ENTPD7: variants seen among roughly 807,000 people sequenced by gnomAD.
The protein encoded by ENTPD7 is ectonucleoside triphosphate diphosphohydrolase 7, also known as NTPDase 7.
ENTPD7 carries 53 observed loss-of-function variants against 77.9 expected under a neutral mutation model. The observed-to-expected ratio is 0.68, with a 90% confidence interval of 0.55 to 0.85. The LOEUF (loss-of-function observed/expected upper bound fraction) is 0.85. Ranked by LOEUF, ENTPD7 falls within the 40% of genes least tolerant of loss-of-function variation. ENTPD7 has a pLI of 0.00. For missense variants in ENTPD7, 636 were observed against 743.7 expected (o/e 0.86, Z 1.68); for synonymous variants, 248 against 274.9 (o/e 0.90, Z 0.97).
At position 99,679,800 on chromosome 10, in the gene ENTPD7, A is replaced by C. The variant is rs1199205503; in HGVS notation, c.473A>C (p.His158Pro). ...CCTCTGCTGAGCTTTGCTGCTGCTC[A>C]TGTGCCTGTGAAGAAGCACAAGGAG... ...LRPLLSFAAA[H>P]VPVKKHKETP... Residue 158 changes from histidine (H) to proline (P), a missense_variant, in exon 5 of 13, where the codon CAT (histidine) becomes CCT (proline). Coordinates refer to ENST00000370489, the MANE Select transcript of ENTPD7 (RefSeq NM_020354.5). 6.2e-7 allele frequency: 1 copy of C among 1,614,226 alleles called. No homozygotes were observed. The highest frequency in any genetic ancestry group is 1.1e-5 in the South Asian group (1 of 91,090).
intron 3 of ENTPD7, among the ~76,000 whole-genome samples, chr10:99,670,443 T>C (rs927814213): frequency 6.6e-6 from 1 of 152,150 alleles, no homozygotes; most frequent in Non-Finnish European, 1.5e-5. Context: ...AATTTATTAA[T>C]TTTTCATACA....
At position 99,706,837 on chromosome 10, in the gene ENTPD7, A is replaced by G. The variant is rs1222118520; in HGVS notation, c.*2154A>G. Among the ~76,000 whole-genome samples the G allele has an allele frequency of 1.3e-5, 2 of 152,136 alleles. No individual in the cohort carries two copies. The highest frequency in any genetic ancestry group is 2.9e-5 in the Non-Finnish European group (2 of 68,038). On this transcript the variant is annotated 3_prime_UTR_variant, in exon 13 of 13. Coordinates refer to ENST00000370489, the MANE Select transcript of ENTPD7 (RefSeq NM_020354.5). ...CTTTTGCTCTCATCTTGGTTTCCAT[A>G]TACTATTTTTGGTTTTTTGTGAGAT...
At chr10:99,679,936 T>A in intron 5 of ENTPD7, 61 bp downstream of exon 5, 1 of 1,557,166 alleles carries the variant, frequency 6.4e-7, no homozygotes, top group East Asian at 2.2e-5. Context: ...AAGGCCAGTT[T>A]CATGCACTGT....
Position 99,704,695 on chromosome 10 carries a change from G to A in ENTPD7, c.*12G>A. 6.2e-7 allele frequency: 1 copy of A among 1,608,272 alleles called. No individual in the cohort carries two copies. Among genetic ancestry groups the A allele is most frequent in the Non-Finnish European group, 8.5e-7 (1 of 1,176,908 alleles). On this transcript the variant is annotated 3_prime_UTR_variant, in exon 13 of 13. Transcript: ENST00000370489. The stretch of plus-strand genomic sequence containing the variant: ...AGGTGGGGCCGTGAGGCTGGACCAG[G>A]ACTAGAGAAGCTTGAGCACCCCCGA...
At chr10:99,677,240 C>G (rs750679798) in intron 3 of ENTPD7, among the ~76,000 whole-genome samples, 1 of 151,666 alleles carries the variant, frequency 6.6e-6, no homozygotes, top group Non-Finnish European at 1.5e-5. Flanking sequence ...TAAAAGAAGG[C>G]TTTCCAAATT....
rs2035452302 is a variant in ENTPD7 at position 99,659,715 on chromosome 10, C to G, written c.-96+127C>G. ...GCTGGCCCACGAGAACGCCCCGCTC[C>G]CAGGATGCCCGGGTAGGGTCCCCTG... On this transcript the variant is annotated intron_variant, in intron 1 of 12. Coordinates refer to ENST00000370489, the MANE Select transcript of ENTPD7 (RefSeq NM_020354.5). This position sits in a 1 kb window ranked among gnomAD's most constrained non-coding sequence, Gnocchi z 4.1. 5 of 490,892 alleles carry G rather than the reference C, an allele frequency of 1.0e-5. No individual in the cohort carries two copies. The highest frequency in any genetic ancestry group is 7.7e-5 in the South Asian group (3 of 39,082). The allele number at this position is 490,892 out of a possible 1,614,324, so 30.4% of individuals were successfully genotyped here.
Position 99,660,023 on chromosome 10 carries a change from G to A in ENTPD7, c.8+59G>A, listed in dbSNP as rs1464837778. 1.2e-5 allele frequency: 20 copies of A among 1,612,704 alleles called. No homozygotes were observed. The South Asian group carries it at 1.4e-4, about 12-fold the overall frequency. ...ACGGCAGAGGATGGCAGGCAGGTTGGGGGGCCCTGGGAGGCTGTCCCAAGT... is the reference window on the plus strand; with the variant it reads ...ACGGCAGAGGATGGCAGGCAGGTTGAGGGGCCCTGGGAGGCTGTCCCAAGT... On this transcript the variant is annotated intron_variant, in intron 2 of 12. Transcript: ENST00000370489.
chr10:99,663,102 T>C (rs2133436274), intron 3 of ENTPD7, among the ~76,000 whole-genome samples: 1 of 152,282 alleles, frequency 6.6e-6, no homozygotes, highest in South Asian at 2.1e-4. Context: ...CATATTTCCA[T>C]ATTTGCTTTT....
intron 3 of ENTPD7, among the ~76,000 whole-genome samples, chr10:99,677,289 G>A (rs1025742398): frequency 1.3e-5 from 2 of 150,950 alleles, no homozygotes; most frequent in Admixed American, 1.3e-4. Context: ...GTTCTGAGGG[G>A]TTCTGTGTAA....
chr10:99,695,915 C>G, intron 8 of ENTPD7, 41 bp from the exon 9 acceptor site: 1 of 1,569,030 alleles, frequency 6.4e-7, no homozygotes, highest in African/African-American at 1.4e-5. Flanking sequence ...AGAAGGCAAC[C>G]AAAACTAAAA....
chr10:99,659,710 C>A lies in ENTPD7; in HGVS notation c.-96+122C>A, dbSNP rs2035452176. On this transcript the variant is annotated intron_variant, in intron 1 of 12. Coordinates refer to ENST00000370489, the MANE Select transcript of ENTPD7 (RefSeq NM_020354.5). The surrounding 1 kb of genome is among the most constrained non-coding windows in gnomAD (Gnocchi z 4.1). ...ACAGAGCTGGCCCACGAGAACGCCC[C>A]GCTCCCAGGATGCCCGGGTAGGGTC... 2.1e-6 allele frequency: 1 copy of A among 481,126 alleles called. No homozygotes were observed. Among genetic ancestry groups the A allele is most frequent in the East Asian group, 3.7e-5 (1 of 26,756 alleles). The allele number at this position is 481,126 out of a possible 1,614,324, so 29.8% of individuals were successfully genotyped here. A position where few individuals can be genotyped will look rare whatever the true frequency, so the allele number is the denominator to read the frequency against.
rs759102720 is a variant in ENTPD7, at chr10:99,679,357, G to A, written c.288G>A (p.Arg96=). 1.2e-6 allele frequency: 2 copies of A among 1,614,086 alleles called. No homozygotes were observed. Among genetic ancestry groups the A allele is most frequent in the South Asian group, 2.2e-5 (2 of 91,080 alleles). Residue 96 remains arginine, a synonymous_variant, in exon 4 of 13, where the codon CGG becomes CGA. Transcript: ENST00000370489. Reference sequence around the variant, plus strand: ...TTGACTGTGGCAGCAGTGGTTCCCGGATTTTTGTTTATTTCTGGCCAAGAC... The same window carrying A: ...TTGACTGTGGCAGCAGTGGTTCCCGAATTTTTGTTTATTTCTGGCCAAGAC... ...LVVDCGSSGS[R]IFVYFWPRHN... is the part of the protein sequence containing the mutation.
intron 6 of ENTPD7, among the ~76,000 whole-genome samples, chr10:99,687,196 C>T (rs1396237732): frequency 1.4e-5 from 2 of 147,674 alleles, no homozygotes; most frequent in Admixed American, 6.7e-5. Context: ...ATAACAGGCG[C>T]AAGCCACTGC....
At chr10:99,660,565 G>A (rs1180278937) in intron 2 of ENTPD7, 1 of 254,270 alleles carries the variant, frequency 3.9e-6, no homozygotes, top group Non-Finnish European at 8.1e-6. Context: ...CACACACAGA[G>A]ATATATTACT....
In ENTPD7 at chr10:99,709,732, CTCTG is replaced by C; in HGVS notation, c.*5053_*5056del. Reference sequence around the variant, plus strand: ...TTGTTCAAGCTTCATTTTAAGCCTGCTCTGTCTACTTATCTTCCTTATATCCTAA... The same window carrying C: ...TTGTTCAAGCTTCATTTTAAGCCTGCTCTACTTATCTTCCTTATATCCTAA... On this transcript the variant is annotated 3_prime_UTR_variant, in exon 13 of 13. Transcript: ENST00000370489. The C allele has an allele frequency of 1.0e-6, 1 of 985,360 alleles. No individual in the cohort carries two copies. The highest frequency in any genetic ancestry group is 1.2e-6 in the Non-Finnish European group (1 of 829,884). 61.0% of individuals were successfully genotyped at this position (985,360 alleles called of 1,614,324 possible).
intron 3 of ENTPD7, among the ~76,000 whole-genome samples, chr10:99,673,794 C>CA (rs2035646601): frequency 6.6e-6 from 1 of 152,176 alleles, no homozygotes; most frequent in Admixed American, 6.5e-5. Flanking sequence ...TGTACAAAGA[C>CA]ACGGAGGAGT....
At chr10:99,683,824 G>A (rs577440034) in intron 5 of ENTPD7, among the ~76,000 whole-genome samples, 1 of 152,258 alleles carries the variant, frequency 6.6e-6, no homozygotes, top group Admixed American at 6.5e-5. Context: ...GCATGGCTGT[G>A]CCATAAGTTA....
At chr10:99,672,679 G>A (rs577580781) in intron 3 of ENTPD7, among the ~76,000 whole-genome samples, 67 of 152,290 alleles carry the variant, frequency 4.4e-4, no homozygotes, top group Middle Eastern at 6.8e-3. Flanking sequence ...GATTAATCTT[G>A]TTAGGAGGCA....
At chr10:99,700,772 G>A (rs2036104912) in intron 10 of ENTPD7, 1 of 609,200 alleles carries the variant, frequency 1.6e-6, no homozygotes, top group African/African-American at 1.8e-5. Context: ...GCCACATCAA[G>A]CTGGCTTGGT....
Sources: allele counts gnomAD v4.1 joint callset (sites outside exome capture counted in the v4.1 genomes callset), GRCh38; gene constraint gnomAD v4.1.1; non-coding constraint Gnocchi (gnomAD v3.1); transcripts MANE v1.5; gene names NCBI Gene and HGNC (gene_info 2026-07-23, HGNC 2026-07-21).